TMTC4: variants seen among roughly 807,000 people sequenced by gnomAD.
TMTC4 encodes the protein protein O-mannosyl-transferase TMTC4.
In TMTC4, 65 loss-of-function variants were observed where a neutral mutation model predicts 86.0. The observed-to-expected ratio is 0.76, with a 90% CI of 0.62 to 0.93. The LOEUF is 0.93. Ranked by LOEUF, TMTC4 falls within the 40% of genes least tolerant of loss-of-function variation. The pLI, the probability that TMTC4 is intolerant of heterozygous loss-of-function variation, is 0.00. For synonymous variants in TMTC4, 379 were observed against 382.5 expected, an observed-to-expected ratio of 0.99 and a Z score of 0.11; for missense variants, 866 against 948.1, an observed-to-expected ratio of 0.91 and a Z score of 1.14.
chr13:100,655,107 C>T (rs1884930603), intron 6 of TMTC4, among the ~76,000 whole-genome samples: 3 of 151,138 alleles, frequency 2.0e-5, no homozygotes, highest in African/African-American at 4.9e-5. Flanking sequence ...CTGCAGCCTC[C>T]GCCTCCCGGG....
At position 100,614,448 on chromosome 13, in the gene TMTC4, CA is replaced by C; in HGVS notation, c.1837-19del. 3 of 1,552,056 alleles carry C rather than the reference CA, an allele frequency of 1.9e-6. No homozygotes were observed. The highest frequency in any genetic ancestry group is 1.1e-5 in the South Asian group (1 of 88,040). On this transcript the variant is annotated intron_variant, in intron 15 of 18. Coordinates refer to ENST00000342624, the MANE Select transcript of TMTC4 (RefSeq NM_032813.5). ...TCTGCATACTGAAAATAAAACACAC[CA>C]AAAAATCAGTATTCCAAGTTTCCTG...
chr13:100,631,288 T>C (rs886345519), intron 12 of TMTC4, among the ~76,000 whole-genome samples: 1 of 152,226 alleles, frequency 6.6e-6, no homozygotes, highest in African/African-American at 2.4e-5. Flanking sequence ...TAATTTGTTA[T>C]AAATATTCTG....
chr13:100,636,467 C>G, intron 10 of TMTC4, 65 bp downstream of exon 10: 1 of 1,572,848 alleles, frequency 6.4e-7, no homozygotes, highest in South Asian at 1.1e-5. Flanking sequence ...ATGATCAGCG[C>G]AGGATTTCAC....
rs756726630 is a variant in TMTC4, at chr13:100,637,659, G to C, written c.878C>G (p.Thr293Ser). The change falls in exon 9 of 19, where the codon ACC (threonine) becomes AGC (serine). Residue 293 changes from threonine to serine, a missense_variant. By Grantham distance (58) the Thr-to-Ser change is moderately conservative (BLOSUM62 1). Transcript: ENST00000342624. Reference protein sequence around the residue: ...LRNGGLLFRMTLLTSGGAGML... With the variant: ...LRNGGLLFRMSLLTSGGAGML... Reference sequence around the variant, plus strand: ...CCCAGCCCCTCCAGAGGTGAGCAGGGTCATTCTGAAGAGGAGGCCCCCGTT... The same window carrying C: ...CCCAGCCCCTCCAGAGGTGAGCAGGCTCATTCTGAAGAGGAGGCCCCCGTT... The C allele has an allele frequency of 8.1e-6, 13 of 1,614,036 alleles. No homozygotes were observed. The highest frequency in any genetic ancestry group is 1.1e-5 in the South Asian group (1 of 91,074).
In TMTC4 at chr13:100,606,424, A is replaced by G. The variant is rs1426865572; in HGVS notation, c.2068T>C (p.Ser690Pro). The change falls in exon 18 of 19, where the codon TCT becomes CCT. Residue 690 changes from serine (S) to proline (P), a missense_variant. Transcript: ENST00000342624. ...VLGKSQKYKE[S>P]EALFLKAIKA... The stretch of plus-strand genomic sequence containing the variant: ...ATTGCCTTGAGGAATAAAGCTTCAG[A>G]TTCCTAAAAAATGAGAAACATAAAA... The G allele has an allele frequency of 6.2e-7, 1 of 1,611,328 alleles. No homozygotes were observed. The highest frequency in any genetic ancestry group is 1.3e-5 in the African/African-American group (1 of 74,786).
rs1404542535 is a variant in TMTC4, at chr13:100,604,223, T to C, written c.*771A>G. 1 of 152,646 alleles carries C rather than the reference T, an allele frequency of 6.6e-6. No individual in the cohort carries two copies. Among genetic ancestry groups the C allele is most frequent in the Non-Finnish European group, 1.5e-5 (1 of 68,044 alleles). 9.5% of individuals were successfully genotyped at this position (152,646 alleles called of 1,614,324 possible). On this transcript the variant is annotated 3_prime_UTR_variant, in exon 19 of 19. Transcript: ENST00000342624. ...ACACAGATGTGTTGCCCTCTTCACC[T>C]TGGATGTAACAAAAATAAAGATGTG...
At chr13:100,660,855 T>C (rs995569377) in intron 5 of TMTC4, among the ~76,000 whole-genome samples, 1 of 152,094 alleles carries the variant, frequency 6.6e-6, no homozygotes, top group African/African-American at 2.4e-5. Context: ...TTTTTCGCCA[T>C]GTTGGCCAGG....
At chr13:100,616,347 C>T (rs746156097) in intron 15 of TMTC4, among the ~76,000 whole-genome samples, 7 of 152,062 alleles carry the variant, frequency 4.6e-5, no homozygotes, top group Non-Finnish European at 8.8e-5. Flanking sequence ...GGATTACAGG[C>T]GCCCACCACC....
In TMTC4 at chr13:100,668,767, C is replaced by G; in HGVS notation, c.31G>C (p.Gly11Arg). 1 of 1,614,160 alleles carries G rather than the reference C, an allele frequency of 6.2e-7. No individual in the cohort carries two copies. Among genetic ancestry groups the G allele is most frequent in the East Asian group, 2.2e-5 (1 of 44,884 alleles). Residue 11 changes from glycine to arginine, a missense_variant, in exon 3 of 19, where the codon GGG becomes CGG. Transcript: ENST00000342624. Reference protein sequence around the residue: MIPNQHNAGAGSHQPAVFRMA... With the variant: MIPNQHNAGARSHQPAVFRMA... ...CTGAAAACTGCAGGTTGGTGGCTCCCGGCTCCAGCATTATGCTGGTTAGGA... is the reference window on the plus strand; with the variant it reads ...CTGAAAACTGCAGGTTGGTGGCTCCGGGCTCCAGCATTATGCTGGTTAGGA...
At chr13:100,666,032 C>T in intron 3 of TMTC4, 1 of 456,672 alleles carries the variant, frequency 2.2e-6, no homozygotes, top group South Asian at 1.5e-5. Flanking sequence ...AGGATCTTTT[C>T]CTCCCTTTGA....
intron 15 of TMTC4, among the ~76,000 whole-genome samples, chr13:100,615,686 C>CA (rs534087085): frequency 6.6e-6 from 1 of 150,778 alleles, no homozygotes; most frequent in East Asian, 2.0e-4. Flanking sequence ...TTCCTGGCCT[C>CA]AACTGATCCG....
intron 7 of TMTC4, 59 bp downstream of exon 7, chr13:100,642,152 T>C (rs1029473620): frequency 1.9e-6 from 3 of 1,573,710 alleles, no homozygotes; most frequent in African/African-American, 2.7e-5. Flanking sequence ...CCAGATGTCT[T>C]TATAGGAGGG....
At chr13:100,654,859 T>G (rs184125583) in intron 6 of TMTC4, among the ~76,000 whole-genome samples, 36 of 152,190 alleles carry the variant, frequency 2.4e-4, no homozygotes, top group Non-Finnish European at 4.3e-4. Context: ...TCTATCAAGG[T>G]TTAGTACTTT....
intron 3 of TMTC4, among the ~76,000 whole-genome samples, chr13:100,666,859 G>A (rs556557172): frequency 4.6e-5 from 7 of 152,220 alleles, no homozygotes; most frequent in East Asian, 1.9e-4. Context: ...GAGTGGTGGC[G>A]CATGACTGTA....
chr13:100,606,443 CAT>C lies in TMTC4; in HGVS notation c.2065-18_2065-17del. 1.2e-6 allele frequency: 2 copies of C among 1,601,282 alleles called. No homozygotes were observed. The highest frequency in any genetic ancestry group is 1.7e-6 in the Non-Finnish European group (2 of 1,171,422). On this transcript the variant is annotated splice_polypyrimidine_tract_variant and intron_variant, in intron 17 of 18. Coordinates refer to ENST00000342624, the MANE Select transcript of TMTC4 (RefSeq NM_032813.5). Reference sequence around the variant, plus strand: ...CTTCAGATTCCTAAAAAATGAGAAACATAAAAAGGAAGATATTTATTGTACAT... The same window carrying C: ...CTTCAGATTCCTAAAAAATGAGAAACAAAAAGGAAGATATTTATTGTACAT...
At chr13:100,672,894 G>A (rs904967668) in intron 1 of TMTC4, among the ~76,000 whole-genome samples, 1 of 152,166 alleles carries the variant, frequency 6.6e-6, no homozygotes, top group African/African-American at 2.4e-5. Context: ...TCCACATGAT[G>A]TCCTGCCTGG....
At chr13:100,674,153 G>C (rs1269545206) in intron 1 of TMTC4, 1 of 981,658 alleles carries the variant, frequency 1.0e-6, no homozygotes, top group Non-Finnish European at 1.2e-6. Flanking sequence ...GCCGGGAAGC[G>C]GCGGCTCGGT....
chr13:100,618,574 G>T (rs947734863), intron 15 of TMTC4, among the ~76,000 whole-genome samples: 1 of 151,630 alleles, frequency 6.6e-6, no homozygotes, highest in African/African-American at 2.4e-5. Flanking sequence ...ATAGTGGAGG[G>T]AAGGTCAGCA....
chr13:100,640,048 G>A (rs545423549), intron 7 of TMTC4, among the ~76,000 whole-genome samples: 1 of 152,190 alleles, frequency 6.6e-6, no homozygotes, highest in Non-Finnish European at 1.5e-5. Context: ...CAGGCCTGGG[G>A]AGGGGGTGGG....
Sources: gnomAD v4.1 joint callset for allele counts (sites outside exome capture counted in the v4.1 genomes callset) on GRCh38, gnomAD v4.1.1 for gene constraint, MANE v1.5 for transcripts, NCBI Gene and HGNC (gene_info 2026-07-23, HGNC 2026-07-21) for gene names.